Variants in PTPRA observed in about 807,000 individuals in gnomAD.
The protein encoded by PTPRA is receptor-type tyrosine-protein phosphatase alpha.
Under a neutral mutation model 104.8 loss-of-function variants are expected in PTPRA, and 25 were observed. That is an observed-to-expected ratio of 0.24 (90% CI 0.17 to 0.33). PTPRA has a LOEUF of 0.33. PTPRA is among the 10% of genes least tolerant of loss of function. The pLI, the probability that PTPRA is intolerant of heterozygous loss-of-function variation, is 1.00. For missense variants in PTPRA, 765 were observed against 1,015.3 expected, an observed-to-expected ratio of 0.75 and a Z score of 3.35; for synonymous variants, 323 against 368.9, an observed-to-expected ratio of 0.88 and a Z score of 1.43.
At chr20:2,997,283 A>G (rs1472398703) in intron 9 of PTPRA, among the ~76,000 whole-genome samples, 1 of 152,172 alleles carries the variant, frequency 6.6e-6, no homozygotes, top group Non-Finnish European at 1.5e-5. Flanking sequence ...GAGAGACATA[A>G]TAGGGAACTT....
At chr20:3,005,015 A>C in intron 9 of PTPRA, 41 bp from the exon 10 acceptor site, 1 of 1,513,080 alleles carries the variant, frequency 6.6e-7, no homozygotes, top group Non-Finnish European at 9.2e-7. Context: ...TTTGATGTTT[A>C]TCCCTGCTAA....
At chr20:2,989,503 CAG>C (rs985652346) in intron 9 of PTPRA, among the ~76,000 whole-genome samples, 2 of 152,004 alleles carry the variant, frequency 1.3e-5, no homozygotes, top group South Asian at 2.1e-4. Context: ...GTGGTGGGGA[CAG>C]GGGATTGGGG....
chr20:3,005,228 A>C, intron 10 of PTPRA, 82 bp downstream of exon 10: 2 of 1,332,550 alleles, frequency 1.5e-6, no homozygotes, highest in Non-Finnish European at 2.2e-6. Context: ...AGAATCTTGC[A>C]ATTGGGCACA....
At chr20:3,021,847 G>A (rs571059808) in intron 14 of PTPRA, among the ~76,000 whole-genome samples, 52 of 152,318 alleles carry the variant, frequency 3.4e-4, no homozygotes, top group African/African-American at 1.1e-3. Flanking sequence ...GTGGTACTGC[G>A]AAAAGAGGAC....
chr20:2,912,267 A>G (rs548908365), intron 1 of PTPRA, among the ~76,000 whole-genome samples: 1 of 151,794 alleles, frequency 6.6e-6, no homozygotes, highest in Admixed American at 6.6e-5. Flanking sequence ...TTTTGAAAAT[A>G]TACAGAAGTA....
chr20:2,960,554 T>TA (rs1187769533), intron 3 of PTPRA, among the ~76,000 whole-genome samples: 1 of 151,790 alleles, frequency 6.6e-6, no homozygotes, highest in Non-Finnish European at 1.5e-5. Flanking sequence ...ACCTTTTTTT[T>TA]AAAAAACAAG....
At chr20:2,914,320 C>T (rs997137797) in intron 1 of PTPRA, among the ~76,000 whole-genome samples, 16 of 152,100 alleles carry the variant, frequency 1.1e-4, no homozygotes, top group Non-Finnish European at 1.9e-4. Flanking sequence ...CAGTAGATGG[C>T]ATTGTTCCAC....
chr20:2,890,911 T>A (rs1169516578), intron 1 of PTPRA, among the ~76,000 whole-genome samples: 1 of 152,182 alleles, frequency 6.6e-6, no homozygotes, highest in Non-Finnish European at 1.5e-5. Context: ...CCTTGCTAAT[T>A]AGGAGAAACT....
chr20:2,966,131 T>C (rs2061936536), intron 5 of PTPRA, among the ~76,000 whole-genome samples: 1 of 152,222 alleles, frequency 6.6e-6, no homozygotes, highest in South Asian at 2.1e-4. Context: ...AGATGATATC[T>C]TTTACTGCGC....
intron 2 of PTPRA, among the ~76,000 whole-genome samples, chr20:2,928,725 T>G (rs951017928): frequency 4.6e-5 from 7 of 152,124 alleles, no homozygotes; most frequent in African/African-American, 1.7e-4. Context: ...CTTCCTGGGT[T>G]GTTCATATAA....
the PTPRA span, chr20:2,865,642 TG>T: frequency 2.6e-6 from 2 of 757,336 alleles, no homozygotes; most frequent in Non-Finnish European, 4.2e-6. The surrounding 1 kb of genome is among the most constrained non-coding windows in gnomAD (Gnocchi z 5.2). Flanking sequence ...TACACATTTG[TG>T]GGCAGGCATC....
chr20:3,020,720 G>T (rs1358087112), intron 13 of PTPRA, among the ~76,000 whole-genome samples: 1 of 152,202 alleles, frequency 6.6e-6, no homozygotes, highest in Non-Finnish European at 1.5e-5. Flanking sequence ...GATGGCCCTT[G>T]AGTCACCTTG....
In PTPRA at chr20:2,902,077, G is replaced by T. The variant is rs981697183; in HGVS notation, c.-128-21130G>T. ...TTTTTATATTTTTAGTAGAGATGGGGTTTCACCATGTTGGTCAGGCTGGTC... is the reference window on the plus strand; with the variant it reads ...TTTTTATATTTTTAGTAGAGATGGGTTTTCACCATGTTGGTCAGGCTGGTC... On this transcript the variant is annotated intron_variant, in intron 1 of 23. Coordinates refer to ENST00000399903, the MANE Select transcript of PTPRA (RefSeq NM_001385305.1). Among the ~76,000 whole-genome samples the T allele has an allele frequency of 4.6e-5, 7 of 151,988 alleles. No homozygotes were observed. The South Asian group carries it at 1.0e-3, about 23-fold the overall frequency.
the PTPRA span, chr20:2,866,259 G>A: frequency 3.7e-6 from 6 of 1,614,022 alleles, no homozygotes; most frequent in African/African-American, 2.7e-5. Flanking sequence ...ACGAAGCCAA[G>A]AAGTATGCTT....
chr20:2,923,166 G>C (rs1475998270), intron 1 of PTPRA, 41 bp from the exon 2 acceptor site: 1 of 886,764 alleles, frequency 1.1e-6, no homozygotes, highest in African/African-American at 1.8e-5. Flanking sequence ...TCTGCTCAGG[G>C]ATGTTGTATA....
At chr20:3,008,253 T>C (rs1253579955) in intron 11 of PTPRA, among the ~76,000 whole-genome samples, 1 of 152,212 alleles carries the variant, frequency 6.6e-6, no homozygotes, top group African/African-American at 2.4e-5. Context: ...AAATTAAATG[T>C]GGTACATGCA....
At chr20:2,981,226 A>C (rs1158490318) in intron 6 of PTPRA, among the ~76,000 whole-genome samples, 1 of 152,230 alleles carries the variant, frequency 6.6e-6, no homozygotes, top group Non-Finnish European at 1.5e-5. Context: ...AATTAGTGTT[A>C]CTTTTTAAAT....
At chr20:2,936,504 C>G (rs567266797) in intron 2 of PTPRA, among the ~76,000 whole-genome samples, 1 of 152,020 alleles carries the variant, frequency 6.6e-6, no homozygotes, top group African/African-American at 2.4e-5. Context: ...TTTTGTCACC[C>G]AAGCTGGAGT....
chr20:2,898,471 C>T (rs1419871036), intron 1 of PTPRA, among the ~76,000 whole-genome samples: 3 of 151,550 alleles, frequency 2.0e-5, no homozygotes. Flanking sequence ...GCCTTGGCTT[C>T]CCAAAGTGCT....
Sources: allele counts gnomAD v4.1 joint callset (sites outside exome capture counted in the v4.1 genomes callset), GRCh38; gene constraint gnomAD v4.1.1; non-coding constraint Gnocchi (gnomAD v3.1); transcripts MANE v1.5; gene names NCBI Gene and HGNC (gene_info 2026-07-23, HGNC 2026-07-21).